TACC2: variants seen among roughly 807,000 people sequenced by gnomAD.
The protein encoded by TACC2 is transforming acidic coiled-coil containing protein 2.
A neutral mutation model predicts 227.3 loss-of-function variants in TACC2; 137 were observed. That is an observed-to-expected ratio of 0.60 (90% CI 0.52 to 0.69). TACC2 has a LOEUF of 0.69. Ranked by LOEUF, TACC2 falls within the 30% of genes least tolerant of loss-of-function variation. TACC2 has a pLI of 0.00. For missense variants in TACC2, 3,470 were observed against 3,694.4 expected (o/e 0.94, Z 1.57); for synonymous variants, 1,523 against 1,487.5 (o/e 1.02, Z -0.55).
At chr10:122,113,798 G>A (rs547305460) in intron 5 of TACC2, among the ~76,000 whole-genome samples, 100 of 152,356 alleles carry the variant, frequency 6.6e-4, no homozygotes, top group African/African-American at 2.2e-3. Flanking sequence ...CGCACTTCGG[G>A]GATCCGGCGC....
At chr10:122,211,758 G>A (rs1295297572) in intron 9 of TACC2, 50 bp downstream of exon 9, 1 of 1,477,436 alleles carries the variant, frequency 6.8e-7, no homozygotes, top group African/African-American at 1.4e-5. Flanking sequence ...GGTGCGCATT[G>A]GCTGTGACCC....
chr10:122,226,256 T>G, intron 12 of TACC2, 110 bp from the exon 13 acceptor site: 1 of 741,582 alleles, frequency 1.3e-6, no homozygotes, highest in South Asian at 1.7e-5. Flanking sequence ...CAATGAAGGC[T>G]TTTCCCTGAT....
intron 10 of TACC2, among the ~76,000 whole-genome samples, chr10:122,216,394 T>TA (rs1555150117): frequency 3.3e-5 from 5 of 151,050 alleles, no homozygotes; most frequent in Admixed American, 6.6e-5. Flanking sequence ...TTTTTTTTTT[T>TA]AAATTCATGG....
At chr10:122,138,798 A>G (rs2090087307) in intron 6 of TACC2, among the ~76,000 whole-genome samples, 1 of 152,172 alleles carries the variant, frequency 6.6e-6, no homozygotes, top group Non-Finnish European at 1.5e-5. Context: ...GATATTGAGA[A>G]TTTCATACGG....
At chr10:122,123,037 C>T (rs548595639) in intron 5 of TACC2, among the ~76,000 whole-genome samples, 4 of 152,174 alleles carry the variant, frequency 2.6e-5, no homozygotes, top group African/African-American at 9.6e-5. Flanking sequence ...GAGAGAGTTT[C>T]ACTCACCCAG....
At position 122,170,263 on chromosome 10, in the gene TACC2, C is replaced by CTTTTTT. The variant is rs34194262; in HGVS notation, c.5835-24758_5835-24753dup. 7.4e-4 allele frequency among the ~76,000 whole-genome samples: 47 copies of CTTTTTT among 63,214 alleles called. 5 individuals carry two copies. Among genetic ancestry groups the CTTTTTT allele is most frequent in the African/African-American group, 1.2e-3 (17 of 14,486 alleles). 41.5% of individuals were successfully genotyped at this position (63,214 alleles called of 152,430 possible). On this transcript the variant is annotated intron_variant, in intron 7 of 22. Coordinates refer to ENST00000369005, the MANE Select transcript of TACC2 (RefSeq NM_206862.4). ...CAAACCAGAAACCTGATGATCAAGT[C>CTTTTTT]TTTTTTTTTTTTTTTTTTTTTTTTG...
rs757318734 is a variant in TACC2, at chr10:122,084,323, C to G, written c.1823C>G (p.Pro608Arg). The change falls in exon 4 of 23, where the codon CCA becomes CGA. Residue 608 changes from proline (P) to arginine (R), a missense_variant. Around this residue, in one of 10 missense-constraint regions of TACC2, gnomAD observed 1,924 missense variants for 1,978.3 expected, o/e 0.97. Coordinates refer to ENST00000369005, the MANE Select transcript of TACC2 (RefSeq NM_206862.4). ...CAGGCTTTCAGCAGCAAGCGTGATC[C>G]AGAAGTAGGCAAAGATGAGCTTTCA... The part of the protein sequence containing the change: ...DSQAFSSKRD[P>R]EVGKDELSKP... The G allele has an allele frequency of 6.2e-7, 1 of 1,613,864 alleles. No homozygotes were observed. Among genetic ancestry groups the G allele is most frequent in the Admixed American group, 1.7e-5 (1 of 60,010 alleles).
In TACC2 at chr10:122,216,742, A is replaced by G; in HGVS notation, c.7460A>G (p.Asp2487Gly). 6.2e-7 allele frequency: 1 copy of G among 1,614,058 alleles called. No individual in the cohort carries two copies. Among genetic ancestry groups the G allele is most frequent in the Non-Finnish European group, 8.5e-7 (1 of 1,180,030 alleles). The change falls in exon 11 of 23, where the codon GAC becomes GGC. Residue 2487 changes from aspartate (D) to glycine (G), a missense_variant. Asp to Gly is a moderately conservative substitution (Grantham distance 94, BLOSUM62 -1). Coordinates refer to ENST00000369005, the MANE Select transcript of TACC2 (RefSeq NM_206862.4). ...CAGAAGTGGACGTGCATGACAGTGG[A>G]CCTAGAGGCTGACAAACAGGACTAC... ...TNQKWTCMTV[D>G]LEADKQDYPQ...
intron 5 of TACC2, among the ~76,000 whole-genome samples, chr10:122,091,375 T>C (rs963285560): frequency 1.3e-5 from 2 of 152,198 alleles, no homozygotes; most frequent in Non-Finnish European, 2.9e-5. Context: ...CTTATTTCTT[T>C]TTTCTGTTTT....
chr10:122,250,015 T>G (rs1189879289), intron 22 of TACC2, among the ~76,000 whole-genome samples: 1 of 152,092 alleles, frequency 6.6e-6, no homozygotes, highest in African/African-American at 2.4e-5. Flanking sequence ...GTGGATGGGG[T>G]GCCCACCAGG....
At chr10:122,231,310 C>T (rs1169818696) in intron 16 of TACC2, among the ~76,000 whole-genome samples, 1 of 152,190 alleles carries the variant, frequency 6.6e-6, no homozygotes, top group South Asian at 2.1e-4. Context: ...TCACCCCACC[C>T]CAAGTTGGAC....
intron 7 of TACC2, among the ~76,000 whole-genome samples, chr10:122,156,588 C>G (rs1592708311): frequency 6.6e-6 from 1 of 152,356 alleles, no homozygotes; most frequent in East Asian, 1.9e-4. Flanking sequence ...TTCACGTTCT[C>G]TCTTTGAAGC....
At chr10:121,989,688 G>T (rs1277902539) in intron 1 of TACC2, among the ~76,000 whole-genome samples, 200 bp downstream of exon 1, 1 of 152,086 alleles carries the variant, frequency 6.6e-6, no homozygotes, top group African/African-American at 2.4e-5. Context: ...CACCTAGTGA[G>T]AGCCCTTTTG....
At chr10:122,236,761 A>G (rs944030978) in intron 16 of TACC2, among the ~76,000 whole-genome samples, 13 of 152,172 alleles carry the variant, frequency 8.5e-5, no homozygotes, top group African/African-American at 3.1e-4. Context: ...CATTAACGTA[A>G]CAGACTTCAT....
At chr10:122,250,051 C>G (rs1433526643) in intron 22 of TACC2, among the ~76,000 whole-genome samples, 1 of 152,230 alleles carries the variant, frequency 6.6e-6, no homozygotes, top group Non-Finnish European at 1.5e-5. Context: ...CCAGCTGATG[C>G]AGAACATGAG....
intron 7 of TACC2, among the ~76,000 whole-genome samples, chr10:122,148,914 C>T (rs1211099346): frequency 6.6e-6 from 1 of 152,200 alleles, no homozygotes; most frequent in African/African-American, 2.4e-5. Context: ...CCTATCCCTG[C>T]CTGGGAGGGA....
chr10:122,197,356 T>G (rs2094606527), intron 8 of TACC2, among the ~76,000 whole-genome samples: 1 of 152,228 alleles, frequency 6.6e-6, no homozygotes, highest in Admixed American at 6.5e-5. Context: ...AGAGGCCACT[T>G]GTGGCCACAG....
intron 1 of TACC2, among the ~76,000 whole-genome samples, chr10:121,993,697 C>T (rs974228174): frequency 6.6e-6 from 1 of 152,184 alleles, no homozygotes; most frequent in African/African-American, 2.4e-5. Flanking sequence ...ACCATCACAG[C>T]TCACCGCAAC....
chr10:122,088,671 G>A (rs754393213), intron 5 of TACC2, 80 bp downstream of exon 5: 1 of 1,560,464 alleles, frequency 6.4e-7, no homozygotes, highest in Non-Finnish European at 8.7e-7. Flanking sequence ...GGAAAGGAGA[G>A]TAGTCCTTAT....
Sources: gnomAD v4.1 joint callset for allele counts (sites outside exome capture counted in the v4.1 genomes callset) on GRCh38, gnomAD v4.1.1 for gene constraint, gnomAD v4.1.1 regional missense constraint, MANE v1.5 for transcripts, NCBI Gene and HGNC (gene_info 2026-07-23, HGNC 2026-07-21) for gene names.